Variants in POLR1A observed in about 807,000 individuals in gnomAD.
The protein encoded by POLR1A is DNA-directed RNA polymerase I subunit RPA1.
POLR1A carries 84 observed loss-of-function variants against 205.3 expected under a neutral mutation model. That is an observed-to-expected ratio of 0.41 (90% CI 0.34 to 0.49). POLR1A has a LOEUF of 0.49. Ranked by LOEUF, POLR1A falls within the 20% of genes least tolerant of loss-of-function variation. The pLI is 0.22. For missense variants in POLR1A, 1,645 were observed against 2,204.5 expected (o/e 0.75, Z 5.08); for synonymous variants, 799 against 863.7 (o/e 0.93, Z 1.31).
At chr2:86,053,147 T>A (rs1301331443) in intron 15 of POLR1A, 147 bp from the exon 16 acceptor site, 1 of 424,222 alleles carries the variant, frequency 2.4e-6, no homozygotes, top group Non-Finnish European at 4.2e-6. Flanking sequence ...GTAGGGCATA[T>A]GTGAAACTAG....
At chr2:86,097,982 T>A (rs1324247372) in intron 3 of POLR1A, among the ~76,000 whole-genome samples, 9 of 152,154 alleles carry the variant, frequency 5.9e-5, no homozygotes, top group Non-Finnish European at 2.9e-5. Context: ...TATCACACCA[T>A]CACTATGTAC....
chr2:86,085,829 G>C (rs1310645994), intron 6 of POLR1A, among the ~76,000 whole-genome samples: 1 of 152,226 alleles, frequency 6.6e-6, no homozygotes, highest in African/African-American at 2.4e-5. Context: ...TCAGCTGTAA[G>C]AGGTGCCATA....
At chr2:86,031,777 G>C (rs1672400617) in intron 29 of POLR1A, 142 bp from the exon 30 acceptor site, 1 of 1,121,596 alleles carries the variant, frequency 8.9e-7, no homozygotes, top group Non-Finnish European at 1.3e-6. Context: ...CGGCTCCTCT[G>C]CTCCGGCCTG....
rs569035241 is a variant in POLR1A at position 86,082,044 on chromosome 2, C to G, written c.818-338G>C. On this transcript the variant is annotated intron_variant, in intron 7 of 33. Coordinates refer to ENST00000263857, the MANE Select transcript of POLR1A (RefSeq NM_015425.6). ...AGAGATGAGGTTTTGCTTGGTTGCC[C>G]AGGCTGGTCTCGAACTCCTGGGCTC... is the stretch of plus-strand genomic sequence containing the variant. 5.9e-5 allele frequency among the ~76,000 whole-genome samples: 9 copies of G among 152,012 alleles called. No homozygotes were observed. In the East Asian group the frequency reaches 1.7e-3, roughly 29 times the overall value.
At chr2:86,053,124 T>G in intron 15 of POLR1A, 124 bp from the exon 16 acceptor site, 1 of 503,972 alleles carries the variant, frequency 2.0e-6, no homozygotes. Context: ...CCTAGAATCC[T>G]TCATGGAAAA....
chr2:86,046,911 G>A (rs556333721), intron 19 of POLR1A, among the ~76,000 whole-genome samples: 255 of 152,160 alleles, frequency 1.7e-3, no homozygotes, highest in Non-Finnish European at 2.7e-3. Flanking sequence ...TCTATATAAC[G>A]TGAATATATG....
At position 86,070,265 on chromosome 2, in the gene POLR1A, C is replaced by T. The variant is rs201068888; in HGVS notation, c.1619G>A (p.Arg540Gln). 68 of 1,608,052 alleles carry T rather than the reference C, an allele frequency of 4.2e-5. No homozygotes were observed. Among genetic ancestry groups the T allele is most frequent in the Admixed American group, 8.4e-5 (5 of 59,832 alleles). The stretch of plus-strand genomic sequence containing the variant: ...CAGAATGTCCCCATTCTTCACATGC[C>T]GGCACACCTGGGAACAGAGTGGACA... ...PKPQGTKIVC[R>Q]HVKNGDILLL... is the part of the protein sequence containing the mutation. The change falls in exon 13 of 34, where the codon CGG becomes CAG. Residue 540 changes from arginine (R) to glutamine (Q), a missense_variant. Coordinates refer to ENST00000263857, the MANE Select transcript of POLR1A (RefSeq NM_015425.6). This position sits in a 1 kb window ranked among gnomAD's most constrained non-coding sequence, Gnocchi z 4.4.
rs1317122204 is a variant in POLR1A at position 86,080,804 on chromosome 2, A to G, written c.1086+12T>C. 6.2e-7 allele frequency: 1 copy of G among 1,601,412 alleles called. No individual in the cohort carries two copies. Among genetic ancestry groups the G allele is most frequent in the Admixed American group, 1.7e-5 (1 of 58,758 alleles). On this transcript the variant is annotated intron_variant, in intron 9 of 33. Transcript: ENST00000263857. ...TGTGTGCTCATCACATCAGCAACAG[A>G]GCAGCCCTGACCTCATCTGTAGTGG... is the stretch of plus-strand genomic sequence containing the variant.
At chr2:86,077,815 A>G (rs774832605) in intron 11 of POLR1A, 44 bp downstream of exon 11, 914 of 8,032 alleles carry the variant, frequency 0.11, 13 homozygotes, top group Middle Eastern at 0.23. Flanking sequence ...GCGCGCGCAC[A>G]CACACACACA....
intron 3 of POLR1A, among the ~76,000 whole-genome samples, chr2:86,097,433 C>A (rs772637549): frequency 6.6e-6 from 1 of 152,098 alleles, no homozygotes; most frequent in African/African-American, 2.4e-5. Context: ...CAAAGAGATA[C>A]CTGCACCCCC....
At chr2:86,082,993 C>T in intron 7 of POLR1A, 89 bp downstream of exon 7, 2 of 999,124 alleles carry the variant, frequency 2.0e-6, no homozygotes, top group Admixed American at 1.9e-5. Context: ...ATCACTACAA[C>T]TTAAAAGAAG....
chr2:86,044,063 A>T (rs1672666474), intron 22 of POLR1A, 76 bp downstream of exon 22: 3 of 1,447,214 alleles, frequency 2.1e-6, no homozygotes, highest in Admixed American at 3.4e-5. Flanking sequence ...TGCAAAGCTC[A>T]GCGCATTCCA....
chr2:86,082,064 G>A (rs183081458), intron 7 of POLR1A, among the ~76,000 whole-genome samples: 2 of 152,040 alleles, frequency 1.3e-5, no homozygotes, highest in Non-Finnish European at 2.9e-5. Flanking sequence ...TCGAACTCCT[G>A]GGCTCAATTG....
intron 16 of POLR1A, among the ~76,000 whole-genome samples, chr2:86,051,933 G>A (rs929931285): frequency 6.6e-6 from 1 of 152,184 alleles, no homozygotes; most frequent in African/African-American, 2.4e-5. Flanking sequence ...TTCCAAGAGC[G>A]CTGATGGCCC....
chr2:86,072,725 CTT>C lies in POLR1A; in HGVS notation c.1611+2303_1611+2304del, dbSNP rs1276659865. Among the ~76,000 whole-genome samples the C allele has an allele frequency of 2.0e-5, 3 of 152,350 alleles. No individual in the cohort carries two copies. In the East Asian group the frequency reaches 5.8e-4, roughly 29 times the overall value. On this transcript the variant is annotated intron_variant, in intron 12 of 33. Transcript: ENST00000263857. ...GCCTTGGCTCTCCGGGCCATTTCCT[CTT>C]TTATTTACAAGGCCCAGGGGATGGG...
At chr2:86,060,503 G>A (rs538604203) in intron 14 of POLR1A, among the ~76,000 whole-genome samples, 108 of 152,130 alleles carry the variant, frequency 7.1e-4, no homozygotes, top group Non-Finnish European at 7.2e-4. Context: ...TTGGTGCAAT[G>A]GAAACAAACA....
intron 33 of POLR1A, 50 bp downstream of exon 33, chr2:86,027,834 GC>G: frequency 6.3e-7 from 1 of 1,592,540 alleles, no homozygotes; most frequent in Non-Finnish European, 8.6e-7. Context: ...GAGCCCGTGT[GC>G]CCAGAGTCGT....
intron 3 of POLR1A, among the ~76,000 whole-genome samples, chr2:86,097,280 T>C (rs1254106225): frequency 7.4e-6 from 1 of 134,950 alleles, no homozygotes; most frequent in African/African-American, 2.7e-5. Context: ...AGGGAACTCT[T>C]ATACACTGTT....
chr2:86,029,493 C>T (rs1672340627), intron 31 of POLR1A, among the ~76,000 whole-genome samples: 2 of 152,080 alleles, frequency 1.3e-5, no homozygotes, highest in Non-Finnish European at 2.9e-5. Flanking sequence ...TGCCAGGGCA[C>T]CTCTACCCCT....
Sources: allele counts gnomAD v4.1 joint callset (sites outside exome capture counted in the v4.1 genomes callset), GRCh38; gene constraint gnomAD v4.1.1; non-coding constraint Gnocchi (gnomAD v3.1); transcripts MANE v1.5; gene names NCBI Gene and HGNC (gene_info 2026-07-23, HGNC 2026-07-21).